The following PAK2 variants were observed in gnomAD, a reference collection of about 807,000 sequenced individuals.
The protein encoded by PAK2 is serine/threonine-protein kinase PAK 2.
A neutral mutation model predicts 65.9 loss-of-function variants in PAK2; 21 were observed. The ratio of observed to expected loss-of-function variants is 0.32; its 90% CI spans 0.23 to 0.46. The LOEUF (loss-of-function observed/expected upper bound fraction) is 0.46, where lower values mean the gene tolerates loss of function less well. PAK2 is among the 20% of genes least tolerant of loss of function. The pLI is 1.00. For synonymous variants in PAK2, 204 were observed against 219.7 expected, an observed-to-expected ratio of 0.93 and a Z score of 0.63; for missense variants, 324 against 642.6, an observed-to-expected ratio of 0.50 and a Z score of 5.36.
At chr3:196,762,079 C>G (rs374267441) in intron 1 of PAK2, among the ~76,000 whole-genome samples, 1 of 123,186 alleles carries the variant, frequency 8.1e-6, no homozygotes, top group Non-Finnish European at 1.8e-5. Flanking sequence ...CGGGCAGAGG[C>G]GCTCCTCACA....
At chr3:196,819,263 A>G (rs1334054211) in intron 12 of PAK2, among the ~76,000 whole-genome samples, 1 of 152,042 alleles carries the variant, frequency 6.6e-6, no homozygotes, top group African/African-American at 2.4e-5. Flanking sequence ...GCAACATGGC[A>G]AGACTCCATC....
chr3:196,806,557 A>G (rs1320286093), intron 5 of PAK2, 22 bp from the exon 6 acceptor site: 2 of 1,442,366 alleles, frequency 1.4e-6, no homozygotes, highest in Admixed American at 3.3e-5. Context: ...TGTTTTCCTT[A>G]CTTTGCTCAT....
At position 196,805,378 on chromosome 3, in the gene PAK2, C is replaced by A; in HGVS notation, c.463C>A (p.Pro155Thr). Residue 155 changes from proline to threonine, a missense_variant, in exon 5 of 15, where the codon CCA becomes ACA. This residue lies in a region of PAK2 where 183 missense variants were observed against 246.2 expected (regional missense o/e 0.74). Transcript: ENST00000327134. ...GAAAGATGGCTTTCCTTCTGGAACA[C>A]CAGCAGTAAGTTAATTATATTATTT... ...PEKDGFPSGT[P>T]ALNAKGTEAP... 3 of 1,406,742 alleles carry A rather than the reference C, an allele frequency of 2.1e-6. No individual in the cohort carries two copies. The highest frequency in any genetic ancestry group is 2.9e-6 in the Non-Finnish European group (3 of 1,027,274). 87.1% of individuals were successfully genotyped at this position (1,406,742 alleles called of 1,614,324 possible). A position where few individuals can be genotyped will look rare whatever the true frequency, so the allele number is the denominator to read the frequency against.
At chr3:196,762,290 G>A (rs1714004017) in intron 1 of PAK2, among the ~76,000 whole-genome samples, 4 of 129,860 alleles carry the variant, frequency 3.1e-5, no homozygotes, top group South Asian at 2.6e-4. Flanking sequence ...CTTCCCAGAC[G>A]GGGTGGCGGC....
chr3:196,814,462 G>A lies in PAK2; in HGVS notation c.947G>A (p.Gly316Glu). The A allele has an allele frequency of 7.5e-7, 1 of 1,340,286 alleles. No individual in the cohort carries two copies. The highest frequency in any genetic ancestry group is 1.1e-6 in the Non-Finnish European group (1 of 944,162). 83.0% of individuals were successfully genotyped at this position (1,340,286 alleles called of 1,614,324 possible). The change falls in exon 11 of 15, where the codon GGA (glycine) becomes GAA (glutamate). Residue 316 changes from glycine to glutamate, a missense_variant. Gly to Glu is a moderately conservative substitution (Grantham distance 98). Transcript: ENST00000327134. ...TGTTGTATTTTTAGTTACCTGGTAG[G>A]AGATGAATTGTTTGTGGTCATGGAA... The part of the protein sequence containing the change: ...IVNFLDSYLV[G>E]DELFVVMEYL...
chr3:196,766,733 G>A (rs1021253527), intron 1 of PAK2, among the ~76,000 whole-genome samples: 4 of 150,918 alleles, frequency 2.7e-5, no homozygotes, highest in Admixed American at 1.3e-4. Context: ...TGGTTCCTCC[G>A]CCAACCCCAC....
rs972081705 is a variant in PAK2 at position 196,805,491 on chromosome 3, A to G, written c.468+108A>G. 10 of 583,988 alleles carry G rather than the reference A, an allele frequency of 1.7e-5. No homozygotes were observed. The Admixed American group carries it at 3.5e-4, about 20-fold the overall frequency. 36.2% of individuals were successfully genotyped at this position (583,988 alleles called of 1,614,324 possible). A position where few individuals can be genotyped will look rare whatever the true frequency, so the allele number is the denominator to read the frequency against. ...AAAATAAATTACAGCCATCAGAGGT[A>G]AATAACTACTCAATAGGTGTTTTTA... On this transcript the variant is annotated intron_variant, in intron 5 of 14. Coordinates refer to ENST00000327134, the MANE Select transcript of PAK2 (RefSeq NM_002577.4).
chr3:196,748,499 C>A (rs1301764758), intron 1 of PAK2, among the ~76,000 whole-genome samples: 2 of 152,226 alleles, frequency 1.3e-5, no homozygotes, highest in African/African-American at 4.8e-5. Flanking sequence ...ACTTTTACTG[C>A]AACCCCTGGC....
Position 196,760,053 on chromosome 3 carries a change from T to G in PAK2, c.-22+19896T>G, listed in dbSNP as rs1167376571. Among the ~76,000 whole-genome samples the G allele has an allele frequency of 3.3e-5, 5 of 152,288 alleles. No homozygotes were observed. The East Asian group carries it at 9.6e-4, about 29-fold the overall frequency. ...GGTTTCTTTCATTTAACACAGTGTT[T>G]TCAAGGTCCATCCATGCTGTGGCAT... On this transcript the variant is annotated intron_variant, in intron 1 of 14. Coordinates refer to ENST00000327134, the MANE Select transcript of PAK2 (RefSeq NM_002577.4).
At chr3:196,767,058 T>C (rs965585871) in intron 1 of PAK2, among the ~76,000 whole-genome samples, 3 of 151,854 alleles carry the variant, frequency 2.0e-5, no homozygotes, top group Non-Finnish European at 2.9e-5. Context: ...TTTCACTTCA[T>C]ATATTATGGA....
At chr3:196,769,964 G>A (rs1451541981) in intron 1 of PAK2, among the ~76,000 whole-genome samples, 2 of 152,066 alleles carry the variant, frequency 1.3e-5, no homozygotes, top group Non-Finnish European at 2.9e-5. Flanking sequence ...AATTAATACA[G>A]TGTTTGTTAG....
intron 11 of PAK2, among the ~76,000 whole-genome samples, chr3:196,814,802 C>T (rs1219813160): frequency 6.6e-6 from 1 of 152,052 alleles, no homozygotes; most frequent in African/African-American, 2.4e-5. Flanking sequence ...TCCAGATTCA[C>T]AAGGAAATTC....
intron 2 of PAK2, among the ~76,000 whole-genome samples, chr3:196,798,349 C>T (rs1265705971): frequency 6.9e-6 from 1 of 145,028 alleles, no homozygotes; most frequent in Non-Finnish European, 1.5e-5. Flanking sequence ...TTTCTTTTCT[C>T]TTTTTTTTTT....
At chr3:196,784,781 A>G (rs1413455392) in intron 2 of PAK2, among the ~76,000 whole-genome samples, 1 of 151,362 alleles carries the variant, frequency 6.6e-6, no homozygotes, top group Non-Finnish European at 1.5e-5. Flanking sequence ...TGCTAGTTCT[A>G]GATCCCTGAG....
intron 7 of PAK2, among the ~76,000 whole-genome samples, chr3:196,808,274 G>A (rs761541611): frequency 5.9e-5 from 9 of 151,814 alleles, no homozygotes; most frequent in Admixed American, 6.6e-5. Context: ...CCAAGATTGC[G>A]TCGTTGGGCT....
intron 1 of PAK2, among the ~76,000 whole-genome samples, chr3:196,743,098 G>T (rs1193180637): frequency 6.7e-6 from 1 of 150,292 alleles, no homozygotes; most frequent in Admixed American, 6.6e-5. Flanking sequence ...AGCAGAATAG[G>T]AAAGGAAAAA....
chr3:196,798,466 C>A (rs1715325170), intron 2 of PAK2, among the ~76,000 whole-genome samples: 1 of 151,950 alleles, frequency 6.6e-6, no homozygotes, highest in Non-Finnish European at 1.5e-5. Context: ...GCCTCAGCCT[C>A]CCTAGTAGGT....
chr3:196,746,637 C>A (rs986880231), intron 1 of PAK2, among the ~76,000 whole-genome samples: 3 of 151,850 alleles, frequency 2.0e-5, no homozygotes, highest in African/African-American at 7.3e-5. Flanking sequence ...CATGGAGAAA[C>A]CTGTGTCTAC....
intron 2 of PAK2, among the ~76,000 whole-genome samples, chr3:196,790,187 CTTTTA>C (rs111678441): frequency 2.8e-3 from 426 of 152,292 alleles, no homozygotes; most frequent in African/African-American, 9.9e-3. Context: ...TAAAGGGTTT[CTTTTA>C]TTTGTTTGTT....
Sources: gnomAD v4.1 joint callset for allele counts (sites outside exome capture counted in the v4.1 genomes callset) on GRCh38, gnomAD v4.1.1 for gene constraint, gnomAD v4.1.1 regional missense constraint, MANE v1.5 for transcripts, NCBI Gene and HGNC (gene_info 2026-07-23, HGNC 2026-07-21) for gene names.